Variants in CSMD1 observed in about 807,000 individuals in gnomAD.
CSMD1 encodes CUB and sushi domain-containing protein 1.
Under a neutral mutation model 417.5 loss-of-function variants are expected in CSMD1, and 213 were observed. The observed-to-expected ratio is 0.51, with a 90% confidence interval of 0.46 to 0.57. The LOEUF (loss-of-function observed/expected upper bound fraction) is 0.57. CSMD1 is among the 20% of genes least tolerant of loss of function. CSMD1 has a pLI of 0.00. For missense variants in CSMD1, 6,923 were observed against 4,529.7 expected (o/e 1.53, Z -15.17); for synonymous variants, 2,862 against 1,736.8 (o/e 1.65, Z -16.11).
chr8:3,451,522 C>A (rs545827035), intron 12 of CSMD1, among the ~76,000 whole-genome samples: 1 of 152,182 alleles, frequency 6.6e-6, no homozygotes, highest in East Asian at 1.9e-4. Flanking sequence ...TCAGTTTCGT[C>A]TTTCTACATA....
chr8:4,277,809 A>G (rs1044673473), intron 3 of CSMD1, among the ~76,000 whole-genome samples: 2 of 152,136 alleles, frequency 1.3e-5, no homozygotes, highest in Non-Finnish European at 2.9e-5. Flanking sequence ...GTGCAGTCGT[A>G]TAATCTCGGT....
intron 4 of CSMD1, among the ~76,000 whole-genome samples, chr8:4,005,276 A>G (rs1189910334): frequency 6.6e-6 from 1 of 152,146 alleles, no homozygotes; most frequent in Admixed American, 6.5e-5. Flanking sequence ...CACCCCAATA[A>G]CTTATAGAAA....
intron 46 of CSMD1, among the ~76,000 whole-genome samples, chr8:3,098,501 T>C (rs1406282977): frequency 6.6e-6 from 1 of 152,200 alleles, no homozygotes; most frequent in Non-Finnish European, 1.5e-5. Flanking sequence ...TAGAACTCTT[T>C]AAATAACATA....
intron 8 of CSMD1, among the ~76,000 whole-genome samples, chr8:3,604,676 C>T (rs1042033821): frequency 1.3e-5 from 2 of 152,178 alleles, no homozygotes; most frequent in African/African-American, 4.8e-5. Flanking sequence ...AGGGGAAGAG[C>T]TAGAGGTCCC....
chr8:3,965,776 C>G (rs748106784), intron 5 of CSMD1, among the ~76,000 whole-genome samples: 1 of 152,018 alleles, frequency 6.6e-6, no homozygotes, highest in Non-Finnish European at 1.5e-5. Context: ...TGACACCACA[C>G]CTGGCTAATA....
chr8:3,962,464 C>G (rs955870675), intron 5 of CSMD1, among the ~76,000 whole-genome samples: 3 of 152,100 alleles, frequency 2.0e-5, no homozygotes, highest in Admixed American at 1.3e-4. Flanking sequence ...CATGGATCTC[C>G]TTGGATGTCA....
intron 42 of CSMD1, among the ~76,000 whole-genome samples, chr8:3,113,922 T>C (rs1234281756): frequency 6.6e-6 from 1 of 152,116 alleles, no homozygotes; most frequent in African/African-American, 2.4e-5. Context: ...TTACATCAAA[T>C]TAAAATTAAA....
At chr8:4,445,181 T>C (rs999566334) in intron 2 of CSMD1, among the ~76,000 whole-genome samples, 2 of 152,224 alleles carry the variant, frequency 1.3e-5, no homozygotes, top group East Asian at 1.9e-4. Flanking sequence ...GACACCTTTT[T>C]TTTAATGTGC....
intron 3 of CSMD1, among the ~76,000 whole-genome samples, chr8:4,247,296 T>C (rs1802772325): frequency 6.6e-6 from 1 of 152,116 alleles, no homozygotes; most frequent in Admixed American, 6.5e-5. Flanking sequence ...CAATGGGTGG[T>C]CAATTGTCTT....
intron 1 of CSMD1, among the ~76,000 whole-genome samples, 169 bp downstream of exon 1, chr8:4,994,163 G>A (rs545883236): frequency 8.3e-4 from 126 of 152,220 alleles, no homozygotes; most frequent in African/African-American, 2.7e-3. Context: ...GGGAGAGCGC[G>A]ATGGAAGCTC....
chr8:3,262,141 C>A (rs1352745514), intron 26 of CSMD1, among the ~76,000 whole-genome samples: 2 of 140,856 alleles, frequency 1.4e-5, no homozygotes, highest in South Asian at 4.5e-4. Flanking sequence ...GAATTATGGA[C>A]AGTGAATGCA....
intron 5 of CSMD1, among the ~76,000 whole-genome samples, chr8:3,903,246 C>A (rs1434130699): frequency 6.6e-6 from 1 of 152,028 alleles, no homozygotes; most frequent in African/African-American, 2.4e-5. Context: ...CTTGTCTCTG[C>A]CATGTCGGGT....
At chr8:3,411,209 C>A (rs1230850982) in intron 12 of CSMD1, among the ~76,000 whole-genome samples, 1 of 152,152 alleles carries the variant, frequency 6.6e-6, no homozygotes, top group Non-Finnish European at 1.5e-5. Context: ...AAGTGAGTCC[C>A]AGGAAATTCA....
At chr8:3,687,848 G>C (rs988206934) in intron 7 of CSMD1, among the ~76,000 whole-genome samples, 1 of 152,190 alleles carries the variant, frequency 6.6e-6, no homozygotes, top group African/African-American at 2.4e-5. Context: ...GTCCACTCTT[G>C]GTCTCCACTC....
At chr8:4,428,817 T>C (rs1294529427) in intron 2 of CSMD1, among the ~76,000 whole-genome samples, 1 of 152,100 alleles carries the variant, frequency 6.6e-6, no homozygotes, top group East Asian at 1.9e-4. Context: ...CCTCCCAGGT[T>C]GAAGGATTCT....
Position 4,929,766 on chromosome 8 carries a change from C to T in CSMD1, c.85+64566G>A, listed in dbSNP as rs547333415. On this transcript the variant is annotated intron_variant, in intron 1 of 69. Transcript: ENST00000635120. ...CACCCTAAGCCATGGTTATTATAAG[C>T]CACAGGAGATGATGGTGGGAGAGAG... Among the ~76,000 whole-genome samples the T allele has an allele frequency of 1.4e-4, 21 of 152,238 alleles. No individual in the cohort carries two copies. In the South Asian group the frequency reaches 4.4e-3, roughly 32 times the overall value.
chr8:4,124,522 A>G (rs886539758), intron 3 of CSMD1, among the ~76,000 whole-genome samples: 4 of 152,154 alleles, frequency 2.6e-5, no homozygotes, highest in Admixed American at 1.3e-4. Context: ...GTCTTCAAGT[A>G]TCAAAGCCCT....
chr8:3,904,355 G>C (rs768320672), intron 5 of CSMD1, among the ~76,000 whole-genome samples: 5 of 152,126 alleles, frequency 3.3e-5, no homozygotes, highest in Non-Finnish European at 7.3e-5. Flanking sequence ...ATATGTGACA[G>C]ATTCACACTA....
intron 25 of CSMD1, among the ~76,000 whole-genome samples, chr8:3,299,384 G>T (rs908453251): frequency 1.3e-5 from 2 of 152,112 alleles, no homozygotes; most frequent in Non-Finnish European, 2.9e-5. Context: ...CTCTGGAGGT[G>T]GAGGTTGCAG....
Sources: allele counts gnomAD v4.1 joint callset (sites outside exome capture counted in the v4.1 genomes callset), GRCh38; gene constraint gnomAD v4.1.1; transcripts MANE v1.5; gene names NCBI Gene and HGNC (gene_info 2026-07-23, HGNC 2026-07-21).